The following NFXL1 variants were observed in gnomAD, a reference collection of about 807,000 sequenced individuals.
NFXL1 encodes the protein nuclear transcription factor, X-box binding like 1.
In NFXL1, 66 loss-of-function variants were observed where a neutral mutation model predicts 123.3. The ratio of observed to expected loss-of-function variants is 0.54; its 90% CI spans 0.44 to 0.66. NFXL1 has a LOEUF of 0.66. NFXL1 is among the 30% of genes least tolerant of loss of function. The pLI, the probability that NFXL1 is intolerant of heterozygous loss-of-function variation, is 0.00. For missense variants in NFXL1, 944 were observed against 1,125.6 expected, an observed-to-expected ratio of 0.84 and a Z score of 2.31; for synonymous variants, 346 against 360.8, an observed-to-expected ratio of 0.96 and a Z score of 0.46.
intron 19 of NFXL1, among the ~76,000 whole-genome samples, chr4:47,859,805 G>A (rs546181229): frequency 8.5e-6 from 1 of 118,296 alleles, no homozygotes; most frequent in Non-Finnish European, 1.6e-5. Flanking sequence ...TTGCGCCACC[G>A]TACTCCAACC....
intron 22 of NFXL1, 61 bp from the exon 23 acceptor site, chr4:47,848,397 A>T (rs1658863250): frequency 2.3e-6 from 3 of 1,297,264 alleles, no homozygotes; most frequent in Non-Finnish European, 3.2e-6. Context: ...GAAAGTTTCC[A>T]TTTACATAAA....
chr4:47,914,257 G>T (rs1434460953), intron 1 of NFXL1, 52 bp from the exon 2 acceptor site: 3 of 1,358,708 alleles, frequency 2.2e-6, no homozygotes, highest in Admixed American at 2.7e-5. Context: ...GCGCAGCGAG[G>T]ACCGAGGCGA....
chr4:47,896,831 G>A (rs1249056314), intron 9 of NFXL1, 184 bp from the exon 10 acceptor site: 13 of 509,002 alleles, frequency 2.6e-5, no homozygotes, highest in Non-Finnish European at 4.5e-5. Context: ...TGAAGTTTAT[G>A]GTTTTTAAAA....
At position 47,885,950 on chromosome 4, in the gene NFXL1, G is replaced by A. The variant is rs1159922116; in HGVS notation, c.1593C>T (p.Gly531=). The part of the protein sequence containing the change: ...PETVDVKCNC[G]NTKVTVPCGR... ...CACAGGGCACTGTCACCTTTGTATT[G>A]CCACAATTACACTTCACATCTACGG... Residue 531 remains glycine (G), a synonymous_variant, in exon 13 of 23, where the codon GGC becomes GGT. Transcript: ENST00000507489. 1 of 1,612,846 alleles carries A rather than the reference G, an allele frequency of 6.2e-7. No individual in the cohort carries two copies. The highest frequency in any genetic ancestry group is 8.5e-7 in the Non-Finnish European group (1 of 1,179,080).
Position 47,848,192 on chromosome 4 carries a change from C to G in NFXL1, c.2707G>C (p.Ala903Pro). 6.2e-7 allele frequency: 1 copy of G among 1,604,182 alleles called. No individual in the cohort carries two copies. The highest frequency in any genetic ancestry group is 8.5e-7 in the Non-Finnish European group (1 of 1,174,026). ...TTGACATCATGGGTGATGTACCAGG[C>G]AAACACTACAACCACAACTCCACAC... ...SVCGVVVVVF[A>P]WYITHDVN The change falls in exon 23 of 23, where the codon GCC (alanine) becomes CCC (proline). Residue 903 changes from alanine (A) to proline (P), a missense_variant. Physicochemically the swap from Ala to Pro is conservative, Grantham distance 27 (BLOSUM62 -1). This residue lies in a region of NFXL1 where 301 missense variants were observed against 348.0 expected (regional missense o/e 0.86). Coordinates refer to ENST00000507489, the MANE Select transcript of NFXL1 (RefSeq NM_001278624.2).
At chr4:47,898,173 TAAAC>T (rs1231844014) in intron 8 of NFXL1, 92 bp from the exon 9 acceptor site, 3 of 307,122 alleles carry the variant, frequency 9.8e-6, no homozygotes, top group Non-Finnish European at 1.5e-5. Flanking sequence ...CAATCACAAA[TAAAC>T]AACTGCTTTA....
intron 17 of NFXL1, among the ~76,000 whole-genome samples, chr4:47,875,823 C>A (rs11934632): frequency 0.33 from 49,897 of 152,024 alleles, 9,861 homozygotes; most frequent in Non-Finnish European, 0.44. Flanking sequence ...TATTTTAATG[C>A]ACATCAATGA....
chr4:47,859,067 T>C (rs142275768), intron 19 of NFXL1, among the ~76,000 whole-genome samples: 12 of 152,260 alleles, frequency 7.9e-5, no homozygotes, highest in African/African-American at 2.4e-4. Flanking sequence ...ACAGATTTCA[T>C]AGCAAAAAAC....
Position 47,898,979 on chromosome 4 carries a change from C to T in NFXL1, c.968G>A (p.Cys323Tyr). Residue 323 changes from cysteine (C) to tyrosine (Y), a missense_variant, in exon 7 of 23, where the codon TGT (cysteine) becomes TAT (tyrosine). This residue lies in a region of NFXL1 where 296 missense variants were observed against 395.1 expected (regional missense o/e 0.75). Coordinates refer to ENST00000507489, the MANE Select transcript of NFXL1 (RefSeq NM_001278624.2). ...TTTACCTGCATGACAAGGATTTTCA[C>T]ACTTATGTTGCCCACAAAGCAACTT... Reference protein sequence around the residue: ...GQKLLCGQHKCENPCHAGSCQ... With the variant: ...GQKLLCGQHKYENPCHAGSCQ... The T allele has an allele frequency of 6.2e-7, 1 of 1,614,016 alleles. No homozygotes were observed.
intron 3 of NFXL1, among the ~76,000 whole-genome samples, chr4:47,909,548 C>T (rs1433363428): frequency 6.6e-6 from 1 of 151,592 alleles, no homozygotes; most frequent in African/African-American, 2.4e-5. Context: ...AGAAAAAGAA[C>T]CAAGCAAGGG....
chr4:47,876,548 T>C (rs28412313), intron 17 of NFXL1, among the ~76,000 whole-genome samples: 52,944 of 151,942 alleles, frequency 0.35, 9,644 homozygotes, highest in East Asian at 0.58. Flanking sequence ...TTGGGAAAGA[T>C]AGTCAGGAGT....
At chr4:47,876,862 C>T in intron 17 of NFXL1, 1 of 321,222 alleles carries the variant, frequency 3.1e-6, no homozygotes, top group South Asian at 2.7e-5. Context: ...GGGAAAAGGA[C>T]AACAAAGACA....
At chr4:47,878,968 T>C in intron 16 of NFXL1, 128 bp downstream of exon 16, 1 of 630,628 alleles carries the variant, frequency 1.6e-6, no homozygotes, top group Non-Finnish European at 2.7e-6. Flanking sequence ...AGATAAACTC[T>C]TGTACTCTTT....
In NFXL1 at chr4:47,892,453, ATGTG is replaced by A. The variant is rs1476389435; in HGVS notation, c.1452+1723_1452+1726del. Reference sequence around the variant, plus strand: ...GGTCTTTGGCTGAGTACTGGTCTGTATGTGTGTGAGAGGAAACAATCCAAAAGCT... The same window carrying A: ...GGTCTTTGGCTGAGTACTGGTCTGTATGTGAGAGGAAACAATCCAAAAGCT... On this transcript the variant is annotated intron_variant, in intron 11 of 22. Transcript: ENST00000507489. 5.9e-5 allele frequency among the ~76,000 whole-genome samples: 9 copies of A among 152,332 alleles called. No individual in the cohort carries two copies. In the South Asian group the frequency reaches 1.9e-3, roughly 32 times the overall value.
Position 47,899,447 on chromosome 4 carries a change from G to C in NFXL1, c.749C>G (p.Pro250Arg). ...EDPPLDPWLV[P>R]HSCGQVCERE... The stretch of plus-strand genomic sequence containing the variant: ...CTCACATACTTGGCCACATGAATGA[G>C]GCACAAGCCACGGATCTAAAGGTGG... The change falls in exon 6 of 23, where the codon CCT (proline) becomes CGT (arginine). Residue 250 changes from proline to arginine, a missense_variant. Transcript: ENST00000507489. 2 of 1,613,658 alleles carry C rather than the reference G, an allele frequency of 1.2e-6. No individual in the cohort carries two copies. Among genetic ancestry groups the C allele is most frequent in the Non-Finnish European group, 1.7e-6 (2 of 1,179,650 alleles).
intron 6 of NFXL1, 72 bp downstream of exon 6, chr4:47,899,298 A>ATTT: frequency 1.8e-6 from 2 of 1,131,398 alleles, no homozygotes; most frequent in Non-Finnish European, 2.4e-6. Context: ...AACTTTTACA[A>ATTT]TTTTTTTTTT....
At chr4:47,871,382 A>C (rs1204901489) in intron 18 of NFXL1, among the ~76,000 whole-genome samples, 1 of 152,194 alleles carries the variant, frequency 6.6e-6, no homozygotes, top group South Asian at 2.1e-4. Flanking sequence ...AAAACAAAAA[A>C]ACACTTGGTT....
rs1481589901 is a variant in NFXL1, at chr4:47,899,020, C to A, written c.927G>T (p.Gln309His). ...AAAGCAACTTCTGTCCACATGGCAG[C>A]TGACAAGACCATTCCTTGGCACTGC... is the stretch of plus-strand genomic sequence containing the variant. ...RRCSAKEWSC[Q>H]LPCGQKLLCG... Residue 309 changes from glutamine (Q) to histidine (H), a missense_variant, in exon 7 of 23, where the codon CAG (glutamine) becomes CAT (histidine). Transcript: ENST00000507489. 1.9e-6 allele frequency: 3 copies of A among 1,613,548 alleles called. No homozygotes were observed. Among genetic ancestry groups the A allele is most frequent in the East Asian group, 2.2e-5 (1 of 44,870 alleles).
chr4:47,869,151 G>A (rs1735284145), intron 18 of NFXL1, among the ~76,000 whole-genome samples: 1 of 152,158 alleles, frequency 6.6e-6, no homozygotes, highest in Admixed American at 6.5e-5. Flanking sequence ...CTTGAGCCCA[G>A]GAGTTCAAGG....
Sources: gnomAD v4.1 joint callset for allele counts (sites outside exome capture counted in the v4.1 genomes callset) on GRCh38, gnomAD v4.1.1 for gene constraint, gnomAD v4.1.1 regional missense constraint, MANE v1.5 for transcripts, NCBI Gene and HGNC (gene_info 2026-07-23, HGNC 2026-07-21) for gene names.